Variants in NCOA6 observed in about 807,000 individuals in gnomAD.
The protein encoded by NCOA6 is NRC RAP250.
Under a neutral mutation model 171.4 loss-of-function variants are expected in NCOA6, and 49 were observed. That is an observed-to-expected ratio of 0.29 (90% CI 0.23 to 0.36). The LOEUF (loss-of-function observed/expected upper bound fraction) is 0.36, where lower values mean the gene tolerates loss of function less well. Ranked by LOEUF, NCOA6 falls within the 10% of genes least tolerant of loss-of-function variation. The pLI is 1.00. For missense variants in NCOA6, 2,248 were observed against 2,554.5 expected (o/e 0.88, Z 2.59); for synonymous variants, 910 against 927.5 (o/e 0.98, Z 0.34).
At chr20:34,737,145 G>A (rs1444131286) in intron 11 of NCOA6, among the ~76,000 whole-genome samples, 1 of 152,082 alleles carries the variant, frequency 6.6e-6, no homozygotes, top group East Asian at 1.9e-4. Context: ...ATTCCCCTCA[G>A]CATTTAAAAA....
At chr20:34,776,118 CT>C (rs1332876909) in intron 4 of NCOA6, among the ~76,000 whole-genome samples, 174 bp downstream of exon 4, 1 of 152,234 alleles carries the variant, frequency 6.6e-6, no homozygotes, top group Non-Finnish European at 1.5e-5. Context: ...CAGCAATAAC[CT>C]CAGTCAGTCC....
intron 1 of NCOA6, among the ~76,000 whole-genome samples, chr20:34,814,970 G>C (rs2078784632): frequency 6.6e-6 from 1 of 152,120 alleles, no homozygotes; most frequent in Non-Finnish European, 1.5e-5. Context: ...AAATCAGGAA[G>C]AACTGCCTGG....
intron 8 of NCOA6, among the ~76,000 whole-genome samples, chr20:34,751,546 G>T (rs555698618): frequency 6.6e-6 from 1 of 152,108 alleles, no homozygotes; most frequent in Non-Finnish European, 1.5e-5. Flanking sequence ...CCAAGGACAG[G>T]TGTCCTCTGC....
intron 13 of NCOA6, among the ~76,000 whole-genome samples, chr20:34,729,110 C>G (rs941406578): frequency 3.3e-5 from 5 of 152,242 alleles, no homozygotes; most frequent in Middle Eastern, 3.4e-3. Context: ...GCCACCACGC[C>G]TGGCTAATTT....
At chr20:34,723,329 A>T (rs755050907) in intron 14 of NCOA6, among the ~76,000 whole-genome samples, 3 of 152,154 alleles carry the variant, frequency 2.0e-5, no homozygotes, top group Non-Finnish European at 2.9e-5. Context: ...GACTTGCTTG[A>T]TGTGTGGGGA....
At chr20:34,801,433 A>G (rs1328265017) in intron 1 of NCOA6, among the ~76,000 whole-genome samples, 5 of 152,268 alleles carry the variant, frequency 3.3e-5, no homozygotes, top group African/African-American at 9.6e-5. Flanking sequence ...AGATAAACAA[A>G]ATTGACAACC....
At chr20:34,781,188 T>C (rs1034955400) in intron 3 of NCOA6, among the ~76,000 whole-genome samples, 4 of 152,052 alleles carry the variant, frequency 2.6e-5, no homozygotes, top group Admixed American at 2.6e-4. Flanking sequence ...TGAAAAGCAG[T>C]TGAAAAAACA....
At chr20:34,813,472 A>AG (rs973276336) in intron 1 of NCOA6, among the ~76,000 whole-genome samples, 8 of 152,188 alleles carry the variant, frequency 5.3e-5, no homozygotes, top group Middle Eastern at 6.8e-3. Flanking sequence ...TCTTAAAAAA[A>AG]AAAAAAAAAG....
intron 11 of NCOA6, among the ~76,000 whole-genome samples, chr20:34,738,019 C>A (rs1849728811): frequency 6.6e-6 from 1 of 152,188 alleles, no homozygotes; most frequent in African/African-American, 2.4e-5. Context: ...CCACCTCAGC[C>A]TTCTGAGTAG....
chr20:34,775,586 G>A (rs2077287867), intron 4 of NCOA6, among the ~76,000 whole-genome samples: 1 of 149,944 alleles, frequency 6.7e-6, no homozygotes, highest in Non-Finnish European at 1.5e-5. Flanking sequence ...TCAGGAGGCT[G>A]AGGCAGGAGA....
At chr20:34,728,128 T>C (rs930387561) in intron 13 of NCOA6, among the ~76,000 whole-genome samples, 43 of 152,136 alleles carry the variant, frequency 2.8e-4, no homozygotes, top group African/African-American at 9.7e-5. Flanking sequence ...TGTCTGAAAA[T>C]TGCTATTAAC....
At chr20:34,776,577 T>C (rs202043645) in intron 3 of NCOA6, 129 bp from the exon 4 acceptor site, 15 of 1,080,810 alleles carry the variant, frequency 1.4e-5, no homozygotes, top group African/African-American at 3.1e-5. Context: ...ACAGAGCATA[T>C]GCTTTGGAGC....
chr20:34,739,938 A>G (rs2076079314), intron 11 of NCOA6, among the ~76,000 whole-genome samples: 1 of 152,080 alleles, frequency 6.6e-6, no homozygotes, highest in Non-Finnish European at 1.5e-5. Context: ...ATCTCAGCTC[A>G]CTGCAACCTC....
At chr20:34,781,484 C>T (rs1025409310) in intron 3 of NCOA6, among the ~76,000 whole-genome samples, 2 of 152,152 alleles carry the variant, frequency 1.3e-5, no homozygotes, top group African/African-American at 2.4e-5. Flanking sequence ...GCTGCTACTT[C>T]GTACCATCTG....
chr20:34,740,135 T>TTACAGGCGTGAGCCACCGCACCTGGCC (rs2076086711), intron 11 of NCOA6, among the ~76,000 whole-genome samples: 1 of 152,228 alleles, frequency 6.6e-6, no homozygotes, highest in African/African-American at 2.4e-5. Flanking sequence ...AGTGCTGGGA[T>TTACAGGCGTGAGCCACCGCACCTGGCC]TACAGGCGTG....
At chr20:34,774,014 T>C (rs1400957099) in intron 4 of NCOA6, among the ~76,000 whole-genome samples, 1 of 152,238 alleles carries the variant, frequency 6.6e-6, no homozygotes, top group Non-Finnish European at 1.5e-5. Context: ...ATTTCATAAT[T>C]TCTTAAAATA....
chr20:34,782,740 A>AC (rs1245814802), intron 2 of NCOA6, among the ~76,000 whole-genome samples: 1 of 152,144 alleles, frequency 6.6e-6, no homozygotes, highest in Non-Finnish European at 1.5e-5. Context: ...CCTTTGGTTG[A>AC]CCCCACAGAG....
intron 1 of NCOA6, among the ~76,000 whole-genome samples, chr20:34,809,951 G>A (rs1229373758): frequency 6.6e-6 from 1 of 152,142 alleles, no homozygotes; most frequent in East Asian, 1.9e-4. Flanking sequence ...CTGGGTGACA[G>A]AGCTAGACTG....
chr20:34,757,156 T>G (rs1274099425), intron 7 of NCOA6, 64 bp downstream of exon 7: 10 of 1,457,988 alleles, frequency 6.9e-6, no homozygotes, highest in Admixed American at 2.3e-5. Context: ...CTCTAAAAAC[T>G]GAAGTTCTAC....
Sources: gnomAD v4.1 joint callset for allele counts (sites outside exome capture counted in the v4.1 genomes callset) on GRCh38, gnomAD v4.1.1 for gene constraint, MANE v1.5 for transcripts, NCBI Gene and HGNC (gene_info 2026-07-23, HGNC 2026-07-21) for gene names.